The following KMT2C variants were observed in gnomAD, a reference collection of about 807,000 sequenced individuals.
KMT2C encodes histone-lysine N-methyltransferase 2C.
A neutral mutation model predicts 507.9 loss-of-function variants in KMT2C; 88 were observed. The ratio of observed to expected loss-of-function variants is 0.17; its 90% CI spans 0.15 to 0.21. The LOEUF is 0.21. Ranked by LOEUF, KMT2C falls within the 10% of genes least tolerant of loss-of-function variation. The probability of loss-of-function intolerance (pLI) is 1.00; values close to 1 mark genes in which losing one functional copy is unlikely to be tolerated. For synonymous variants in KMT2C, 2,049 were observed against 2,080.8 expected (o/e 0.98, Z 0.42); for missense variants, 4,954 against 5,957.8 (o/e 0.83, Z 5.55).
intron 53 of KMT2C, 54 bp downstream of exon 53, chr7:152,146,545 T>C: frequency 6.3e-7 from 1 of 1,578,374 alleles, no homozygotes; most frequent in Non-Finnish European, 8.7e-7. Context: ...GTTCAAGTGG[T>C]CACACTGAAT....
At chr7:152,143,205 C>T (rs978606718) in intron 55 of KMT2C, among the ~76,000 whole-genome samples, 4 of 152,126 alleles carry the variant, frequency 2.6e-5, no homozygotes, top group Non-Finnish European at 5.9e-5. Context: ...CCGAGAGAGG[C>T]TCAACAGAGA....
At chr7:152,330,370 G>A (rs935545471) in intron 3 of KMT2C, among the ~76,000 whole-genome samples, 4 of 152,110 alleles carry the variant, frequency 2.6e-5, no homozygotes, top group Admixed American at 2.6e-4. Flanking sequence ...ACTGGCCTGA[G>A]GTGACTAGAG....
intron 1 of KMT2C, among the ~76,000 whole-genome samples, chr7:152,433,903 G>A (rs1458185383): frequency 3.3e-5 from 5 of 152,280 alleles, no homozygotes; most frequent in Non-Finnish European, 5.9e-5. Flanking sequence ...ACAGGAGTAT[G>A]GGGTGTGGGG....
intron 42 of KMT2C, among the ~76,000 whole-genome samples, chr7:152,166,023 C>CA (rs781705162): frequency 2.0e-5 from 3 of 152,094 alleles, no homozygotes; most frequent in Non-Finnish European, 4.4e-5. Flanking sequence ...TACAATGAAT[C>CA]AGTTTGTAAA....
intron 9 of KMT2C, among the ~76,000 whole-genome samples, chr7:152,257,108 C>G (rs1338413789): frequency 6.6e-6 from 1 of 152,098 alleles, no homozygotes; most frequent in Admixed American, 6.6e-5. Flanking sequence ...TACTGAAATA[C>G]CAAAGCACAG....
chr7:152,303,345 T>C lies in KMT2C; in HGVS notation c.849+6621A>G, dbSNP rs139027883. 8.6e-3 allele frequency among the ~76,000 whole-genome samples: 1,305 copies of C among 152,322 alleles called. 15 individuals are homozygous for C. Among genetic ancestry groups the C allele is most frequent in the Middle Eastern group, 0.041 (12 of 294 alleles). On this transcript the variant is annotated intron_variant, in intron 6 of 58. Coordinates refer to ENST00000262189, the MANE Select transcript of KMT2C (RefSeq NM_170606.3). ...GGCATTTTAAGCTGTATAGTTTTGG[T>C]GTGGGAGGCTGTCCTGCATATTGCA...
Position 152,176,894 on chromosome 7 carries a change from G to A in KMT2C, c.8559C>T (p.Cys2853=), listed in dbSNP as rs1486487669. ...DENKDNVDTP[C]SQASAHSDLN... is the part of the protein sequence containing the mutation. ...GGTCTGAGTGAGCAGAAGCCTGTGA[G>A]CAAGGAGTGTCAACATTATCTTTAT... The change falls in exon 38 of 59, where the codon TGC becomes TGT. Residue 2853 remains cysteine, a synonymous_variant. Coordinates refer to ENST00000262189, the MANE Select transcript of KMT2C (RefSeq NM_170606.3). The A allele has an allele frequency of 6.2e-7, 1 of 1,614,164 alleles. No homozygotes were observed.
chr7:152,142,079 A>G (rs2090629631), intron 55 of KMT2C, among the ~76,000 whole-genome samples: 1 of 152,262 alleles, frequency 6.6e-6, no homozygotes, highest in Admixed American at 6.5e-5. Flanking sequence ...ATGGCCCTTC[A>G]ACAACTGGTT....
At chr7:152,421,425 A>G (rs1399975179) in intron 1 of KMT2C, among the ~76,000 whole-genome samples, 4 of 152,182 alleles carry the variant, frequency 2.6e-5, no homozygotes, top group African/African-American at 9.7e-5. Flanking sequence ...GTTCTACCAT[A>G]AAGACACACA....
At position 152,196,003 on chromosome 7, in the gene KMT2C, C is replaced by G. The variant is rs771497430; in HGVS notation, c.4282G>C (p.Asp1428His). 8.9e-6 allele frequency: 14 copies of G among 1,571,004 alleles called. No homozygotes were observed. In the South Asian group the frequency reaches 1.6e-4, roughly 18 times the overall value. Residue 1428 changes from aspartate (D) to histidine (H), a missense_variant, in exon 28 of 59, where the codon GAT becomes CAT. Transcript: ENST00000262189. ...TCAGAAATATCAGCTAATGGGTCAT[C>G]AGCAGGACCTAAATATAGTAAATAT... is the stretch of plus-strand genomic sequence containing the variant. ...PTKSGTHGPA[D>H]DPLADISEVL...
chr7:152,222,476 A>T, intron 21 of KMT2C, 97 bp downstream of exon 21: 2 of 591,872 alleles, frequency 3.4e-6, no homozygotes, highest in Non-Finnish European at 5.9e-6. Flanking sequence ...CACAAAGACA[A>T]AATAGAGTAG....
intron 34 of KMT2C, among the ~76,000 whole-genome samples, chr7:152,183,695 G>A (rs1352981401): frequency 6.6e-6 from 1 of 152,074 alleles, no homozygotes; most frequent in African/African-American, 2.4e-5. Flanking sequence ...TCGGGAGTTC[G>A]ACACCAGCCT....
In KMT2C at chr7:152,152,845, C is replaced by G. The variant is rs2129097619; in HGVS notation, c.12386G>C (p.Ser4129Thr). 6.2e-7 allele frequency: 1 copy of G among 1,614,166 alleles called. No homozygotes were observed. Among genetic ancestry groups the G allele is most frequent in the Non-Finnish European group, 8.5e-7 (1 of 1,180,032 alleles). The change falls in exon 49 of 59, where the codon AGC becomes ACC. Residue 4129 changes from serine (S) to threonine (T), a missense_variant. Transcript: ENST00000262189. The part of the protein sequence containing the change: ...PDVPSMGLVS[S>T]HRINPGLEYR... ...CTCCAAACCCGGGTTGATTCTGTGG[C>G]TACTGACCAAACCCATGGATGGGAC...
chr7:152,376,978 A>G (rs2129245360), intron 1 of KMT2C, among the ~76,000 whole-genome samples: 1 of 152,144 alleles, frequency 6.6e-6, no homozygotes, highest in East Asian at 1.9e-4. Context: ...TGAGCCCAGG[A>G]GTTCAAGGCC....
chr7:152,156,987 T>A lies in KMT2C; in HGVS notation c.11671-641A>T, dbSNP rs762695046. On this transcript the variant is annotated intron_variant, in intron 44 of 58. Coordinates refer to ENST00000262189, the MANE Select transcript of KMT2C (RefSeq NM_170606.3). ...GACTTGGAATCTACCAATAACACCA[T>A]GCAAATCAAGTGCAAAGTCAAATTA... is the stretch of plus-strand genomic sequence containing the variant. Among the ~76,000 whole-genome samples the A allele has an allele frequency of 2.0e-5, 3 of 152,264 alleles. No individual in the cohort carries two copies. In the East Asian group the frequency reaches 5.8e-4, roughly 29 times the overall value.
At chr7:152,309,909 T>A in intron 6 of KMT2C, 57 bp downstream of exon 6, 1 of 1,079,962 alleles carries the variant, frequency 9.3e-7, no homozygotes, top group Non-Finnish European at 1.4e-6. Flanking sequence ...CAAGTGAACT[T>A]CTGATTAAAG....
At chr7:152,435,309 A>T (rs1380330210) in intron 1 of KMT2C, among the ~76,000 whole-genome samples, 2 of 152,006 alleles carry the variant, frequency 1.3e-5, no homozygotes, top group African/African-American at 4.8e-5. Flanking sequence ...CTAGGCCAAG[A>T]CGCGGCTACG....
At chr7:152,139,585 T>G (rs1280868104) in intron 56 of KMT2C, 90 bp downstream of exon 56, 2 of 867,902 alleles carry the variant, frequency 2.3e-6, no homozygotes, top group Non-Finnish European at 1.9e-6. Flanking sequence ...CATGACAGAT[T>G]TCATTCTGCC....
chr7:152,229,358 T>C (rs2095036339), intron 18 of KMT2C, among the ~76,000 whole-genome samples: 1 of 152,146 alleles, frequency 6.6e-6, no homozygotes, highest in African/African-American at 2.4e-5. Flanking sequence ...TATTGAGACC[T>C]GTCCATATTT....
Sources: allele counts gnomAD v4.1 joint callset (sites outside exome capture counted in the v4.1 genomes callset), GRCh38; gene constraint gnomAD v4.1.1; transcripts MANE v1.5; gene names NCBI Gene and HGNC (gene_info 2026-07-23, HGNC 2026-07-21).